The following WDR59 variants were observed in gnomAD, a reference collection of about 807,000 sequenced individuals.
WDR59 encodes WD repeat domain 59.
Under a neutral mutation model 131.2 loss-of-function variants are expected in WDR59, and 100 were observed. The observed-to-expected ratio is 0.76, with a 90% confidence interval of 0.65 to 0.90. The LOEUF (loss-of-function observed/expected upper bound fraction) is 0.90, where lower values mean the gene tolerates loss of function less well. Ranked by LOEUF, WDR59 falls within the 40% of genes least tolerant of loss-of-function variation. The pLI is 0.00. For synonymous variants in WDR59, 601 were observed against 466.2 expected, an observed-to-expected ratio of 1.29 and a Z score of -3.72; for missense variants, 1,203 against 1,262.2, an observed-to-expected ratio of 0.95 and a Z score of 0.71.
intron 1 of WDR59, 23 bp downstream of exon 1, chr16:74,984,941 G>A (rs1275126291): frequency 1.2e-6 from 2 of 1,600,990 alleles, no homozygotes; most frequent in East Asian, 2.3e-5. Flanking sequence ...TGCCCAGAGG[G>A]CTCCACTCGG....
intron 3 of WDR59, among the ~76,000 whole-genome samples, chr16:74,952,815 G>C (rs1157311416): frequency 6.6e-6 from 1 of 151,630 alleles, no homozygotes; most frequent in African/African-American, 2.4e-5. Flanking sequence ...TTTTAGCTCA[G>C]AGACAGACAG....
At chr16:74,979,367 G>A (rs918271034) in intron 1 of WDR59, among the ~76,000 whole-genome samples, 5 of 151,864 alleles carry the variant, frequency 3.3e-5, no homozygotes, top group South Asian at 4.2e-4. Flanking sequence ...TCGGGAGGCT[G>A]AGGCAGGAGA....
At chr16:74,901,651 TAAA>T (rs200878105) in intron 18 of WDR59, among the ~76,000 whole-genome samples, 1 of 135,808 alleles carries the variant, frequency 7.4e-6, no homozygotes, top group Non-Finnish European at 1.6e-5. Flanking sequence ...CCCCATCTCT[TAAA>T]AAAAAAAAAA....
intron 18 of WDR59, among the ~76,000 whole-genome samples, chr16:74,895,857 C>T (rs1965273306): frequency 6.6e-6 from 1 of 152,178 alleles, no homozygotes; most frequent in Non-Finnish European, 1.5e-5. Flanking sequence ...GTCACATGTG[C>T]ACTAAATACT....
Position 74,872,076 on chromosome 16 carries a change from CAT to C in WDR59, c.*2131_*2132del, listed in dbSNP as rs1415234062. 1 of 152,270 alleles carries C rather than the reference CAT, an allele frequency of 6.6e-6. No homozygotes were observed. The highest frequency in any genetic ancestry group is 1.5e-5 in the Non-Finnish European group (1 of 68,046). 9.4% of individuals were successfully genotyped at this position (152,270 alleles called of 1,614,324 possible). A position where few individuals can be genotyped will look rare whatever the true frequency, so the allele number is the denominator to read the frequency against. ...ATGATCCGGTATACACCTGTGCACA[CAT>C]GTGCTGCACACACGTAAACAAGTTA... On this transcript the variant is annotated 3_prime_UTR_variant, in exon 26 of 26. Transcript: ENST00000262144.
At chr16:74,887,865 C>T (rs938789239) in intron 22 of WDR59, 110 bp from the exon 23 acceptor site, 67 of 1,156,890 alleles carry the variant, frequency 5.8e-5, no homozygotes, top group Admixed American at 2.3e-4. Flanking sequence ...TGCCTGTAAT[C>T]CTAGCAGTTT....
chr16:74,910,061 G>T, intron 14 of WDR59, 144 bp from the exon 15 acceptor site: 1 of 643,234 alleles, frequency 1.6e-6, no homozygotes. Flanking sequence ...TCTGCCTCCC[G>T]TCTTCAAGTG....
intron 7 of WDR59, 69 bp from the exon 8 acceptor site, chr16:74,938,335 C>A: frequency 8.9e-7 from 1 of 1,128,586 alleles, no homozygotes; most frequent in South Asian, 2.1e-5. Flanking sequence ...ACGTAAAAGT[C>A]TGCTAGGTAG....
intron 22 of WDR59, 101 bp from the exon 23 acceptor site, chr16:74,887,856 G>A: frequency 8.2e-7 from 1 of 1,216,284 alleles, no homozygotes. Flanking sequence ...GGTGGCTCAT[G>A]CCTGTAATCC....
At position 74,938,283 on chromosome 16, in the gene WDR59, C is replaced by T. The variant is rs748370300; in HGVS notation, c.535-17G>A. 3 of 1,445,838 alleles carry T rather than the reference C, an allele frequency of 2.1e-6. No individual in the cohort carries two copies. The South Asian group carries it at 4.3e-5, about 21-fold the overall frequency. 89.6% of individuals were successfully genotyped at this position (1,445,838 alleles called of 1,614,324 possible). On this transcript the variant is annotated splice_polypyrimidine_tract_variant and intron_variant, in intron 7 of 25. Transcript: ENST00000262144. ...ACTGGGTTTCTGCAACAGATCAGCA[C>T]CTAATATTATCGATTTAGAAAGAAC...
At chr16:74,933,839 C>A (rs148206428) in intron 8 of WDR59, among the ~76,000 whole-genome samples, 2 of 152,214 alleles carry the variant, frequency 1.3e-5, no homozygotes, top group South Asian at 4.1e-4. Flanking sequence ...CCCGCCTCGG[C>A]CTCCCAAAGT....
chr16:74,942,638 TC>T, intron 7 of WDR59, 99 bp downstream of exon 7: 2 of 1,112,528 alleles, frequency 1.8e-6, no homozygotes, highest in Non-Finnish European at 1.4e-6. Context: ...TGCACAGGGT[TC>T]CCCAGACTCT....
At chr16:74,923,283 G>A (rs1212384065) in intron 9 of WDR59, among the ~76,000 whole-genome samples, 1 of 152,050 alleles carries the variant, frequency 6.6e-6, no homozygotes, top group African/African-American at 2.4e-5. Context: ...CCCAGCCCAG[G>A]TCTTCTGAAT....
chr16:74,936,133 C>A (rs2031780489), intron 8 of WDR59, among the ~76,000 whole-genome samples: 1 of 152,076 alleles, frequency 6.6e-6, no homozygotes, highest in Non-Finnish European at 1.5e-5. Flanking sequence ...AATAATGCCC[C>A]AGCCTCCCAA....
chr16:74,965,961 C>A (rs577808899), intron 1 of WDR59, 139 bp from the exon 2 acceptor site: 6 of 731,478 alleles, frequency 8.2e-6, no homozygotes, highest in South Asian at 5.2e-5. Flanking sequence ...ACAGTGGATG[C>A]TTCTACCCAC....
intron 1 of WDR59, among the ~76,000 whole-genome samples, chr16:74,976,246 G>A (rs897393807): frequency 6.6e-6 from 1 of 152,016 alleles, no homozygotes. Flanking sequence ...TTTTATTAGA[G>A]TAAAACACAG....
chr16:74,911,562 G>A lies in WDR59; in HGVS notation c.1389+636C>T, dbSNP rs542665715. On this transcript the variant is annotated intron_variant, in intron 14 of 25. Transcript: ENST00000262144. ...CCTGATTTGCTCTGGATGAACTGAT[G>A]CATTAAATCTCTGAATCTGCAGAAT... 1.1e-4 allele frequency among the ~76,000 whole-genome samples: 17 copies of A among 152,308 alleles called. No individual in the cohort carries two copies. The East Asian group carries it at 2.9e-3, about 26-fold the overall frequency.
chr16:74,956,508 A>G lies in WDR59; in HGVS notation c.207T>C (p.Pro69=), dbSNP rs764759419. Residue 69 remains proline, a synonymous_variant, in exon 3 of 26, where the codon CCT becomes CCC. Coordinates refer to ENST00000262144, the MANE Select transcript of WDR59 (RefSeq NM_030581.4). ...CAAAATAGTGTGCAAAGCTGTCATG[A>G]GGATTCCACTGCACAGCTCCAATGT... is the stretch of plus-strand genomic sequence containing the variant. The part of the protein sequence containing the change: ...KWDIGAVQWN[P]HDSFAHYFAA... 4 of 1,613,978 alleles carry G rather than the reference A, an allele frequency of 2.5e-6. No homozygotes were observed. Among genetic ancestry groups the G allele is most frequent in the Non-Finnish European group, 3.4e-6 (4 of 1,180,010 alleles).
At chr16:74,942,089 C>G (rs2032276586) in intron 7 of WDR59, among the ~76,000 whole-genome samples, 2 of 152,140 alleles carry the variant, frequency 1.3e-5, no homozygotes. Context: ...ACGACCCTCA[C>G]TGAGGCCAAC....
Sources: gnomAD v4.1 joint callset for allele counts (sites outside exome capture counted in the v4.1 genomes callset) on GRCh38, gnomAD v4.1.1 for gene constraint, MANE v1.5 for transcripts, NCBI Gene and HGNC (gene_info 2026-07-23, HGNC 2026-07-21) for gene names.